UGGT1: variants seen among roughly 807,000 people sequenced by gnomAD.
UGGT1 encodes the protein UDP-glucose:glycoprotein glucosyltransferase 1.
A neutral mutation model predicts 203.9 loss-of-function variants in UGGT1; 107 were observed. The ratio of observed to expected loss-of-function variants is 0.52; its 90% CI spans 0.45 to 0.62. UGGT1 has a LOEUF of 0.62. Among genes scored for constraint, UGGT1 ranks in the 20% least tolerant of loss-of-function variants. UGGT1 has a pLI of 0.00. For missense variants in UGGT1, 1,673 were observed against 1,867.2 expected (o/e 0.90, Z 1.92); for synonymous variants, 628 against 653.5 (o/e 0.96, Z 0.59).
chr2:128,113,289 G>C (rs2105369526), intron 6 of UGGT1, 31 bp downstream of exon 6: 1 of 1,524,036 alleles, frequency 6.6e-7, no homozygotes, highest in African/African-American at 1.4e-5. Context: ...CACCTGTTTT[G>C]AATGTAATTT....
intron 18 of UGGT1, among the ~76,000 whole-genome samples, chr2:128,152,579 G>T (rs1690024630): frequency 6.6e-6 from 1 of 152,174 alleles, no homozygotes; most frequent in Admixed American, 6.5e-5. Context: ...GCCTCACGTT[G>T]TTGATAGAGG....
chr2:128,102,943 T>C, intron 2 of UGGT1: 1 of 412,510 alleles, frequency 2.4e-6, no homozygotes, highest in Non-Finnish European at 4.9e-6. Flanking sequence ...CTAGAAAGCC[T>C]AGAAAAATAC....
intron 14 of UGGT1, among the ~76,000 whole-genome samples, chr2:128,134,072 T>C (rs1044762583): frequency 3.3e-5 from 5 of 152,186 alleles, no homozygotes; most frequent in African/African-American, 4.8e-5. Context: ...AGTCTTGCTC[T>C]GTTGCCCAGG....
intron 16 of UGGT1, 89 bp from the exon 17 acceptor site, chr2:128,143,005 T>A: frequency 7.5e-7 from 1 of 1,331,676 alleles, no homozygotes; most frequent in Non-Finnish European, 1.0e-6. Flanking sequence ...AATAAGTATA[T>A]TTTCCTCTAA....
rs377489185 is a variant in UGGT1, at chr2:128,171,295, C to T, written c.3104+11C>T. The T allele has an allele frequency of 3.6e-5, 58 of 1,607,038 alleles. No individual in the cohort carries two copies. In the South Asian group the frequency reaches 5.8e-4, roughly 16 times the overall value. ...CATGCCTTTAAAAAGGTAAAACATG[C>T]TATGTAAGAAAACAGTTGAAGAAAT... On this transcript the variant is annotated intron_variant, in intron 28 of 40. Transcript: ENST00000259253.
intron 16 of UGGT1, among the ~76,000 whole-genome samples, chr2:128,141,251 G>A (rs1179555041): frequency 6.6e-6 from 1 of 151,888 alleles, no homozygotes; most frequent in African/African-American, 2.4e-5. Context: ...TTGAGGTCAG[G>A]AATTCGAGAC....
rs1191447460 is a variant in UGGT1 at position 128,187,561 on chromosome 2, A to G, written c.4589A>G (p.Glu1530Gly). The part of the protein sequence containing the change: ...IKQLQIRFQK[E>G]KETGALYKEK... ...CAGCTACAGATCCGCTTTCAGAAGG[A>G]GAAAGAAACGGGAGCACTGTACAAA... The change falls in exon 40 of 41, where the codon GAG becomes GGG. Residue 1530 changes from glutamate to glycine, a missense_variant. This residue lies in a region of UGGT1 where 513 missense variants were observed against 684.1 expected (regional missense o/e 0.75). Transcript: ENST00000259253. 6.2e-7 allele frequency: 1 copy of G among 1,614,148 alleles called. No individual in the cohort carries two copies.
chr2:128,143,607 T>G (rs779036994), intron 17 of UGGT1, among the ~76,000 whole-genome samples: 1 of 152,176 alleles, frequency 6.6e-6, no homozygotes, highest in Non-Finnish European at 1.5e-5. Flanking sequence ...TGTGTCGAAA[T>G]CTTGATTGTG....
At chr2:128,111,811 A>C (rs958986660) in intron 5 of UGGT1, among the ~76,000 whole-genome samples, 9 of 151,582 alleles carry the variant, frequency 5.9e-5, no homozygotes, top group Non-Finnish European at 4.4e-5. Context: ...TATATTTTTA[A>C]ATAAAAAGCT....
Position 128,173,932 on chromosome 2 carries a change from C to A in UGGT1, c.3446C>A (p.Ala1149Asp). Residue 1149 changes from alanine (A) to aspartate (D), a missense_variant, in exon 30 of 41, where the codon GCC (alanine) becomes GAC (aspartate). By Grantham distance (126) the Ala-to-Asp change is moderately radical. Around this residue, in one of 4 missense-constraint regions of UGGT1, gnomAD observed 513 missense variants for 684.1 expected, o/e 0.75. Coordinates refer to ENST00000259253, the MANE Select transcript of UGGT1 (RefSeq NM_020120.4). ...NPVIVDTIVMANLGYFQLKAN... is the reference protein window; with the variant it reads ...NPVIVDTIVMDNLGYFQLKAN... ...GTCATTGTGGACACCATTGTTATGG[C>A]CAATCTGGTAAATAATCTGTTCATC... The A allele has an allele frequency of 6.2e-7, 1 of 1,613,924 alleles. No individual in the cohort carries two copies. Among genetic ancestry groups the A allele is most frequent in the Non-Finnish European group, 8.5e-7 (1 of 1,179,940 alleles).
intron 35 of UGGT1, among the ~76,000 whole-genome samples, chr2:128,180,540 G>A (rs1056052231): frequency 1.3e-5 from 2 of 152,182 alleles, no homozygotes; most frequent in African/African-American, 4.8e-5. Flanking sequence ...CCTCGAGGAA[G>A]GCTTGTCATC....
Position 128,183,733 on chromosome 2 carries a change from A to T in UGGT1, c.4303A>T (p.Arg1435Trp). The T allele has an allele frequency of 1.9e-6, 3 of 1,614,074 alleles. No homozygotes were observed. Among genetic ancestry groups the T allele is most frequent in the Non-Finnish European group, 2.5e-6 (3 of 1,179,952 alleles). ...FRKIAAGDRL[R>W]GQYQGLSQDP... ...GAAAATAGCTGCTGGTGACAGACTC[A>T]GGGGACAGTACCAAGGTCTGAGTCA... Residue 1435 changes from arginine (R) to tryptophan (W), a missense_variant, in exon 38 of 41, where the codon AGG becomes TGG. Transcript: ENST00000259253.
intron 40 of UGGT1, among the ~76,000 whole-genome samples, chr2:128,188,020 AC>A (rs1408811243): frequency 7.3e-6 from 1 of 136,464 alleles, no homozygotes; most frequent in Non-Finnish European, 1.6e-5. Context: ...AGTTGAAGAA[AC>A]TTTTTTTTTT....
rs1043351792 is a variant in UGGT1 at position 128,194,662 on chromosome 2, A to G, written c.*4920A>G. On this transcript the variant is annotated 3_prime_UTR_variant, in exon 41 of 41. Transcript: ENST00000259253. ...TGGAGTTAATCAAATAAAGCTTGTC[A>G]TGTGTGTAGTTTGGTAAGATAACTT... 3 of 152,148 alleles carry G rather than the reference A, an allele frequency of 2.0e-5. No homozygotes were observed. The highest frequency in any genetic ancestry group is 7.2e-5 in the African/African-American group (3 of 41,442). 9.4% of individuals were successfully genotyped at this position (152,148 alleles called of 1,614,324 possible). A position where few individuals can be genotyped will look rare whatever the true frequency, so the allele number is the denominator to read the frequency against.
intron 37 of UGGT1, 70 bp from the exon 38 acceptor site, chr2:128,183,605 T>G: frequency 6.2e-6 from 7 of 1,136,646 alleles, no homozygotes; most frequent in African/African-American, 1.5e-5. Context: ...GCCTGTTCCA[T>G]TATTCATTGG....
At chr2:128,129,214 T>C (rs761763546) in intron 13 of UGGT1, 35 bp downstream of exon 13, 4 of 1,572,028 alleles carry the variant, frequency 2.5e-6, no homozygotes, top group East Asian at 4.6e-5. Flanking sequence ...AAGGACTTTC[T>C]GACCAGGAAT....
Position 128,145,859 on chromosome 2 carries a change from C to T in UGGT1, c.1908C>T (p.Phe636=), listed in dbSNP as rs771510843. 3.1e-6 allele frequency: 5 copies of T among 1,613,908 alleles called. No homozygotes were observed. The East Asian group carries it at 1.1e-4, about 36-fold the overall frequency. ...TGVGPLPVVL[F]NGMPFEREQL... The stretch of plus-strand genomic sequence containing the variant: ...TTGGACCTCTGCCCGTTGTGCTGTT[C>T]AATGGAATGCCCTTTGAAAGGGAAC... The change falls in exon 18 of 41, where the codon TTC becomes TTT. Residue 636 remains phenylalanine, a synonymous_variant. Transcript: ENST00000259253.
intron 38 of UGGT1, among the ~76,000 whole-genome samples, chr2:128,186,056 C>T (rs1323155717): frequency 6.6e-6 from 1 of 152,196 alleles, no homozygotes; most frequent in Non-Finnish European, 1.5e-5. Flanking sequence ...ATTTAGTTGA[C>T]TTTCAGAAGT....
At chr2:128,161,085 C>G (rs1690504210) in intron 24 of UGGT1, 53 bp from the exon 25 acceptor site, 1 of 1,598,260 alleles carries the variant, frequency 6.3e-7, no homozygotes, top group Non-Finnish European at 8.5e-7. Flanking sequence ...TACCAGCTTG[C>G]TGAGTGCAGG....
Sources: gnomAD v4.1 joint callset for allele counts (sites outside exome capture counted in the v4.1 genomes callset) on GRCh38, gnomAD v4.1.1 for gene constraint, gnomAD v4.1.1 regional missense constraint, MANE v1.5 for transcripts, NCBI Gene and HGNC (gene_info 2026-07-23, HGNC 2026-07-21) for gene names.